Variants in CACNA1C observed in about 807,000 individuals in gnomAD.
CACNA1C encodes calcium voltage-gated channel subunit alpha1 C.
Under a neutral mutation model 229.0 loss-of-function variants are expected in CACNA1C, and 30 were observed. The ratio of observed to expected loss-of-function variants is 0.13; its 90% CI spans 0.10 to 0.18. The LOEUF (loss-of-function observed/expected upper bound fraction) is 0.18. Among genes scored for constraint, CACNA1C ranks in the 10% least tolerant of loss-of-function variants. The probability of loss-of-function intolerance (pLI) is 1.00; values close to 1 mark genes in which losing one functional copy is unlikely to be tolerated. For missense variants in CACNA1C, 1,658 were observed against 2,845.0 expected (o/e 0.58, Z 9.49); for synonymous variants, 1,114 against 1,132.5 (o/e 0.98, Z 0.33).
intron 8 of CACNA1C, among the ~76,000 whole-genome samples, chr12:2,510,547 A>G (rs2099781402): frequency 6.6e-6 from 1 of 152,290 alleles, no homozygotes; most frequent in Non-Finnish European, 1.5e-5. Context: ...GCCTTGGGGT[A>G]TAGATGGTGA....
chr12:2,533,906 G>T (rs1189786600), intron 9 of CACNA1C, among the ~76,000 whole-genome samples: 2 of 152,164 alleles, frequency 1.3e-5, no homozygotes, highest in Non-Finnish European at 2.9e-5. Flanking sequence ...TCATGTGAGC[G>T]CTTGAACAGC....
intron 8 of CACNA1C, among the ~76,000 whole-genome samples, chr12:2,508,050 C>T (rs911375102): frequency 1.3e-4 from 20 of 152,244 alleles, no homozygotes; most frequent in Admixed American, 3.9e-4. Context: ...GGCAACCGCC[C>T]AGAGGCCTGC....
At chr12:2,641,861 G>T (rs904049596) in intron 30 of CACNA1C, 18 of 687,370 alleles carry the variant, frequency 2.6e-5, no homozygotes, top group African/African-American at 1.6e-4. Context: ...TAAGAGTATG[G>T]CTGGCCCTTG....
Position 2,053,203 on chromosome 12 carries a change from GC to G in CACNA1C, c.-354del, listed in dbSNP as rs968287595. The G allele has an allele frequency of 9.0e-6, 9 of 1,000,794 alleles. No individual in the cohort carries two copies. The South Asian group carries it at 1.3e-4, about 15-fold the overall frequency. The allele number at this position is 1,000,794 out of a possible 1,614,324, so 62.0% of individuals were successfully genotyped here. A position where few individuals can be genotyped will look rare whatever the true frequency, so the allele number is the denominator to read the frequency against. ...CTGCCGGCCCAGGCGGGCCCCGCGC[GC>G]CCCCCGCCCCTCCTCTCCGCCTCTT... On this transcript the variant is annotated 5_prime_UTR_variant, in exon 1 of 47. Coordinates refer to ENST00000399655, the MANE Select transcript of CACNA1C (RefSeq NM_000719.7). This position sits in a 1 kb window ranked among gnomAD's most constrained non-coding sequence, Gnocchi z 5.8.
Position 2,531,081 on chromosome 12 carries a change from G to A in CACNA1C, c.1390+18097G>A, listed in dbSNP as rs184848105. On this transcript the variant is annotated intron_variant, in intron 9 of 46. Coordinates refer to ENST00000399655, the MANE Select transcript of CACNA1C (RefSeq NM_000719.7). ...AGCTCTAATACTGAATATTAGGAAC[G>A]ACAGCTACTGCTCATCAAGCACCTC... Among the ~76,000 whole-genome samples, 6 of 152,320 alleles carry A rather than the reference G, an allele frequency of 3.9e-5. No individual in the cohort carries two copies. The East Asian group carries it at 7.7e-4, about 20-fold the overall frequency.
Position 2,585,336 on chromosome 12 carries a change from G to A in CACNA1C, c.2340-40G>A, listed in dbSNP as rs2062018433. ...TCCTACACTGTTCCCTATCACTCCA[G>A]TAAACAGCCATTTATTTTTTTCTGC... On this transcript the variant is annotated intron_variant, in intron 16 of 46. Coordinates refer to ENST00000399655, the MANE Select transcript of CACNA1C (RefSeq NM_000719.7). This position sits in a 1 kb window ranked among gnomAD's most constrained non-coding sequence, Gnocchi z 4.1. 2.5e-6 allele frequency: 4 copies of A among 1,596,410 alleles called. No homozygotes were observed. Among genetic ancestry groups the A allele is most frequent in the East Asian group, 2.2e-5 (1 of 44,742 alleles).
chr12:2,610,834 G>A (rs1260657976), intron 28 of CACNA1C, 135 bp downstream of exon 28: 2 of 861,832 alleles, frequency 2.3e-6, no homozygotes, highest in African/African-American at 3.3e-5. Flanking sequence ...AGAAAGACGA[G>A]TGTTCTCTGT....
At chr12:2,052,106 G>T (rs2052373286), upstream of CACNA1C, among the ~76,000 whole-genome samples, 1 of 152,188 alleles carries the variant, frequency 6.6e-6, no homozygotes, top group Admixed American at 6.5e-5. Flanking sequence ...GTGATGGAGG[G>T]AAGTGTTTGC....
chr12:2,239,404 G>A (rs902926216), intron 3 of CACNA1C, among the ~76,000 whole-genome samples: 2 of 152,056 alleles, frequency 1.3e-5, no homozygotes, highest in Non-Finnish European at 2.9e-5. Flanking sequence ...GGGAGACACA[G>A]CTGGGGCACT....
Position 2,053,642 on chromosome 12 carries a change from C to T in CACNA1C, c.49+31C>T, listed in dbSNP as rs1036542591. On this transcript the variant is annotated intron_variant, in intron 1 of 46. Coordinates refer to ENST00000399655, the MANE Select transcript of CACNA1C (RefSeq NM_000719.7). This position sits in a 1 kb window ranked among gnomAD's most constrained non-coding sequence, Gnocchi z 5.8. ...GCTGGACCCCGCCGCCTCGCCGGGGCTCCCTGCCTTTTCCACCGGGTTCCT... is the reference window on the plus strand; with the variant it reads ...GCTGGACCCCGCCGCCTCGCCGGGGTTCCCTGCCTTTTCCACCGGGTTCCT... 19 of 1,559,336 alleles carry T rather than the reference C, an allele frequency of 1.2e-5. No homozygotes were observed. The highest frequency in any genetic ancestry group is 7.5e-5 in the Admixed American group (4 of 53,298).
chr12:2,220,723 A>C (rs1228277358), intron 3 of CACNA1C: 1 of 152,176 alleles, frequency 6.6e-6, no homozygotes, highest in Non-Finnish European at 1.5e-5. Flanking sequence ...GGTTAGCGCA[A>C]TACTAAAATT....
chr12:2,405,123 A>G (rs2098721716), intron 3 of CACNA1C, among the ~76,000 whole-genome samples: 1 of 152,254 alleles, frequency 6.6e-6, no homozygotes, highest in Non-Finnish European at 1.5e-5. Context: ...GATACATTCT[A>G]CTGATCCAAG....
In CACNA1C at chr12:2,649,416, C is replaced by T. The variant is rs1264431865; in HGVS notation, c.3945+909C>T. On this transcript the variant is annotated intron_variant, in intron 31 of 46. Coordinates refer to ENST00000399655, the MANE Select transcript of CACNA1C (RefSeq NM_000719.7). This position sits in a 1 kb window ranked among gnomAD's most constrained non-coding sequence, Gnocchi z 4.4. ...TGATGTGTTCCCCAGTGCAGCCTGG[C>T]GCTGCCTGGCCACAAGGCTGCCACA... 6.6e-6 allele frequency among the ~76,000 whole-genome samples: 1 copy of T among 152,176 alleles called. No individual in the cohort carries two copies. Among genetic ancestry groups the T allele is most frequent in the African/African-American group, 2.4e-5 (1 of 41,448 alleles).
intron 3 of CACNA1C, among the ~76,000 whole-genome samples, chr12:2,232,162 C>G (rs1160593258): frequency 6.7e-6 from 1 of 149,862 alleles, no homozygotes; most frequent in East Asian, 2.0e-4. Flanking sequence ...CAAGATCCCA[C>G]ATGACATTTA....
intron 3 of CACNA1C, among the ~76,000 whole-genome samples, chr12:2,350,122 G>T (rs1266486404): frequency 6.6e-6 from 1 of 152,164 alleles, no homozygotes; most frequent in African/African-American, 2.4e-5. Flanking sequence ...CTTTTGGGGG[G>T]CCTATAAGGA....
intron 3 of CACNA1C, among the ~76,000 whole-genome samples, chr12:2,332,418 T>C (rs897964639): frequency 6.6e-6 from 1 of 152,122 alleles, no homozygotes; most frequent in East Asian, 1.9e-4. Context: ...GACAAGCCAT[T>C]GAAGGAGAGG....
chr12:2,677,860 T>C lies in CACNA1C; in HGVS notation c.5084T>C (p.Ile1695Thr), dbSNP rs1479799949. The change falls in exon 41 of 47, where the codon ATC becomes ACC. Residue 1695 changes from isoleucine (I) to threonine (T), a missense_variant. This residue lies in a region of CACNA1C where 590 missense variants were observed against 700.8 expected (regional missense o/e 0.84). Coordinates refer to ENST00000399655, the MANE Select transcript of CACNA1C (RefSeq NM_000719.7). The surrounding 1 kb of genome is among the most constrained non-coding windows in gnomAD (Gnocchi z 7.4). The stretch of plus-strand genomic sequence containing the variant: ...GTGTCCGCTGCTTCTGAAGATGACA[T>C]CTTCAGGGTGGGTGGTGCCATGGCG... ...EAVSAASEDD[I>T]FRRAGGLFGN... is the part of the protein sequence containing the mutation. The C allele has an allele frequency of 6.2e-7, 1 of 1,613,914 alleles. No individual in the cohort carries two copies. The highest frequency in any genetic ancestry group is 8.5e-7 in the Non-Finnish European group (1 of 1,179,868).
At position 2,504,592 on chromosome 12, in the gene CACNA1C, G is replaced by C; in HGVS notation, c.1114-250G>C. The C allele has an allele frequency of 9.1e-7, 1 of 1,101,596 alleles. No homozygotes were observed. The highest frequency in any genetic ancestry group is 1.2e-5 in the South Asian group (1 of 80,874). 68.2% of individuals were successfully genotyped at this position (1,101,596 alleles called of 1,614,324 possible). A position where few individuals can be genotyped will look rare whatever the true frequency, so the allele number is the denominator to read the frequency against. On this transcript the variant is annotated intron_variant, in intron 7 of 46. Transcript: ENST00000399655. This position sits in a 1 kb window ranked among gnomAD's most constrained non-coding sequence, Gnocchi z 6.8. Reference sequence around the variant, plus strand: ...CACAACGCAGCCGAGCAAGGTCTCAGGTTCCACTCCGTACATGCCCGGGGT... The same window carrying C: ...CACAACGCAGCCGAGCAAGGTCTCACGTTCCACTCCGTACATGCCCGGGGT...
intron 5 of CACNA1C, among the ~76,000 whole-genome samples, chr12:2,463,059 C>G (rs192762943): frequency 6.7e-6 from 1 of 149,698 alleles, no homozygotes; most frequent in Admixed American, 6.7e-5. Flanking sequence ...ACTATAGGCA[C>G]CCGCCACCAC....
Sources: gnomAD v4.1 joint callset for allele counts (sites outside exome capture counted in the v4.1 genomes callset) on GRCh38, gnomAD v4.1.1 for gene constraint, gnomAD v4.1.1 regional missense constraint, Gnocchi (gnomAD v3.1) non-coding constraint, MANE v1.5 for transcripts, NCBI Gene and HGNC (gene_info 2026-07-23, HGNC 2026-07-21) for gene names.